Variants in ARHGEF12 observed in about 807,000 individuals in gnomAD.
ARHGEF12 encodes the protein Rho guanine nucleotide exchange factor 12.
Under a neutral mutation model 211.2 loss-of-function variants are expected in ARHGEF12, and 66 were observed. That is an observed-to-expected ratio of 0.31 (90% CI 0.26 to 0.38). The LOEUF is 0.38. Ranked by LOEUF, ARHGEF12 falls within the 10% of genes least tolerant of loss-of-function variation. The pLI is 1.00. For missense variants in ARHGEF12, 1,429 were observed against 1,869.5 expected, an observed-to-expected ratio of 0.76 and a Z score of 4.34; for synonymous variants, 592 against 638.4, an observed-to-expected ratio of 0.93 and a Z score of 1.09.
At chr11:120,339,041 G>A (rs1461529660) in intron 1 of ARHGEF12, among the ~76,000 whole-genome samples, 2 of 144,562 alleles carry the variant, frequency 1.4e-5, no homozygotes, top group East Asian at 4.0e-4. Flanking sequence ...CACTGTGCAG[G>A]CACAAGAGAT....
chr11:120,467,608 T>TGC (rs1157601474), intron 29 of ARHGEF12, among the ~76,000 whole-genome samples: 6 of 143,288 alleles, frequency 4.2e-5, no homozygotes, highest in Non-Finnish European at 7.7e-5. Flanking sequence ...ACACTTGGCT[T>TGC]TTTTTTTTTT....
At position 120,413,908 on chromosome 11, in the gene ARHGEF12, T is replaced by C. The variant is rs780806527; in HGVS notation, c.199+4458T>C. 2.6e-5 allele frequency among the ~76,000 whole-genome samples: 4 copies of C among 152,344 alleles called. No homozygotes were observed. The South Asian group carries it at 8.3e-4, about 32-fold the overall frequency. On this transcript the variant is annotated intron_variant, in intron 4 of 40. Coordinates refer to ENST00000397843, the MANE Select transcript of ARHGEF12 (RefSeq NM_015313.3). ...GATTTAACAGGTTATCTTACATGTT[T>C]AACACTCCATTTTCATTAATATGCC...
At chr11:120,398,540 T>G (rs1261889628) in intron 1 of ARHGEF12, among the ~76,000 whole-genome samples, 1 of 152,182 alleles carries the variant, frequency 6.6e-6, no homozygotes, top group Non-Finnish European at 1.5e-5. Context: ...TTTGAAAGTC[T>G]GGGGTATTCA....
rs761989636 is a variant in ARHGEF12 at position 120,440,137 on chromosome 11, A to T, written c.1008A>T (p.Gln336His). 6.2e-7 allele frequency: 1 copy of T among 1,611,342 alleles called. No individual in the cohort carries two copies. The highest frequency in any genetic ancestry group is 8.5e-7 in the Non-Finnish European group (1 of 1,178,874). Residue 336 changes from glutamine to histidine, a missense_variant, in exon 13 of 41, where the codon CAA (glutamine) becomes CAT (histidine). Transcript: ENST00000397843. ...KSETIQDTDT[Q>H]SLVGSPSTRI... ...TCCCTGAATGTTGCCAGGACACTCA[A>T]TCACTTGTCGGAAGTCCCTCAACCC...
intron 1 of ARHGEF12, among the ~76,000 whole-genome samples, chr11:120,357,076 G>C (rs1012024830): frequency 4.6e-5 from 7 of 151,646 alleles, no homozygotes; most frequent in Non-Finnish European, 7.4e-5. Flanking sequence ...CCAGGCTGGA[G>C]TGCAGTGGCG....
Position 120,446,521 on chromosome 11 carries a change from G to A in ARHGEF12, c.1451+13G>A. 1.3e-6 allele frequency: 2 copies of A among 1,574,612 alleles called. No individual in the cohort carries two copies. The highest frequency in any genetic ancestry group is 1.7e-6 in the Non-Finnish European group (2 of 1,156,702). On this transcript the variant is annotated intron_variant, in intron 17 of 40. Coordinates refer to ENST00000397843, the MANE Select transcript of ARHGEF12 (RefSeq NM_015313.3). ...TAGAAGATTTTCGGTAAGCTTAGTG[G>A]TAGATAGAATTTCATATGATTATTC...
At chr11:120,382,431 A>T (rs1433840851) in intron 1 of ARHGEF12, among the ~76,000 whole-genome samples, 1 of 152,268 alleles carries the variant, frequency 6.6e-6, no homozygotes. Context: ...ATTCTACTGC[A>T]GATGGACATT....
intron 1 of ARHGEF12, among the ~76,000 whole-genome samples, chr11:120,399,346 A>AAAAAAG (rs1944490838): frequency 5.4e-5 from 8 of 149,058 alleles, no homozygotes; most frequent in Admixed American, 6.7e-5. Flanking sequence ...AAAAAAAAAA[A>AAAAAAG]AAAAAGAAAA....
chr11:120,437,734 C>A (rs1945736930), intron 12 of ARHGEF12, among the ~76,000 whole-genome samples: 2 of 152,114 alleles, frequency 1.3e-5, no homozygotes, highest in African/African-American at 4.8e-5. Context: ...TCTACATTTC[C>A]CCCTTCCCCC....
intron 36 of ARHGEF12, among the ~76,000 whole-genome samples, chr11:120,477,862 C>CAAAAAAAAAAA (rs528182938): frequency 4.3e-5 from 3 of 69,376 alleles, no homozygotes; most frequent in African/African-American, 1.8e-4. Context: ...ACCGAAACAC[C>CAAAAAAAAAAA]AAAAAAAAAA....
intron 17 of ARHGEF12, among the ~76,000 whole-genome samples, 158 bp downstream of exon 17, chr11:120,446,666 G>A (rs1244665183): frequency 6.6e-6 from 1 of 152,194 alleles, no homozygotes; most frequent in African/African-American, 2.4e-5. Context: ...AAGGGTTAGA[G>A]TGGAACTGAG....
chr11:120,412,373 G>T (rs1308977428), intron 4 of ARHGEF12, among the ~76,000 whole-genome samples: 1 of 152,154 alleles, frequency 6.6e-6, no homozygotes, highest in African/African-American at 2.4e-5. Context: ...TAGACTGCTT[G>T]GTTTAAGCAA....
intron 10 of ARHGEF12, 58 bp downstream of exon 10, chr11:120,429,889 A>G: frequency 6.4e-7 from 1 of 1,569,922 alleles, no homozygotes; most frequent in Non-Finnish European, 8.6e-7. Flanking sequence ...TCTTCTGGGA[A>G]TGTGTCAGAG....
chr11:120,348,146 A>G lies in ARHGEF12; in HGVS notation c.32+10871A>G, dbSNP rs367798293. ...TAGGAACTACAGTAGAAAAGTAGCT[A>G]TCATTGGCTTGTAAATAAAATTACT... On this transcript the variant is annotated intron_variant, in intron 1 of 40. Transcript: ENST00000397843. Among the ~76,000 whole-genome samples the G allele has an allele frequency of 2.2e-4, 34 of 152,350 alleles. No individual in the cohort carries two copies. In the South Asian group the frequency reaches 6.0e-3, roughly 27 times the overall value.
At chr11:120,413,980 A>T (rs142972749) in intron 4 of ARHGEF12, among the ~76,000 whole-genome samples, 1 of 152,336 alleles carries the variant, frequency 6.6e-6, no homozygotes, top group Admixed American at 6.5e-5. Context: ...TTTCAGGAAC[A>T]GTTATAGAAT....
At chr11:120,355,257 C>T (rs1034032206) in intron 1 of ARHGEF12, among the ~76,000 whole-genome samples, 16 of 152,170 alleles carry the variant, frequency 1.1e-4, no homozygotes, top group African/African-American at 3.9e-4. Context: ...GCATTTCAGT[C>T]TTGTCACACC....
chr11:120,471,022 G>A (rs967518088), intron 30 of ARHGEF12, among the ~76,000 whole-genome samples: 1 of 152,170 alleles, frequency 6.6e-6, no homozygotes, highest in Non-Finnish European at 1.5e-5. Context: ...CATTGTGCCT[G>A]CCGGGAATGG....
chr11:120,416,012 A>G (rs1945017451), intron 4 of ARHGEF12, among the ~76,000 whole-genome samples: 1 of 152,164 alleles, frequency 6.6e-6, no homozygotes. Context: ...TTTGTCCCTC[A>G]TCTCCTTTTG....
intron 31 of ARHGEF12, 82 bp downstream of exon 31, chr11:120,473,209 A>C: frequency 8.1e-7 from 1 of 1,235,604 alleles, no homozygotes; most frequent in Non-Finnish European, 1.2e-6. Context: ...CTCAGTGGGA[A>C]TATACGTCAC....
Sources: allele counts gnomAD v4.1 joint callset (sites outside exome capture counted in the v4.1 genomes callset), GRCh38; gene constraint gnomAD v4.1.1; transcripts MANE v1.5; gene names NCBI Gene and HGNC (gene_info 2026-07-23, HGNC 2026-07-21).